The following CAMTA1 variants were observed in gnomAD, a reference collection of about 807,000 sequenced individuals.
CAMTA1 encodes the protein calmodulin binding transcription activator 1.
A neutral mutation model predicts 170.9 loss-of-function variants in CAMTA1; 27 were observed. That is an observed-to-expected ratio of 0.16 (90% confidence interval 0.12 to 0.22). The LOEUF is 0.22. Ranked by LOEUF, CAMTA1 falls within the 10% of genes least tolerant of loss-of-function variation. The probability of loss-of-function intolerance (pLI) is 1.00; values close to 1 mark genes in which losing one functional copy is unlikely to be tolerated. For missense variants in CAMTA1, 1,619 were observed against 2,217.2 expected (o/e 0.73, Z 5.42); for synonymous variants, 833 against 891.5 (o/e 0.93, Z 1.17).
chr1:7,425,491 G>A (rs1575249120), intron 5 of CAMTA1, among the ~76,000 whole-genome samples: 1 of 152,104 alleles, frequency 6.6e-6, no homozygotes, highest in East Asian at 1.9e-4. Context: ...GGTGGACGCT[G>A]CAAGGCCAGG....
intron 5 of CAMTA1, among the ~76,000 whole-genome samples, chr1:7,454,217 C>A (rs371510548): frequency 4.5e-4 from 68 of 152,304 alleles, no homozygotes; most frequent in African/African-American, 1.4e-3. Flanking sequence ...GCAGAGGCGA[C>A]CTCGCCTCAC....
chr1:7,752,609 C>T (rs945729374), intron 21 of CAMTA1, 76 bp downstream of exon 21: 12 of 1,137,830 alleles, frequency 1.1e-5, no homozygotes, highest in Middle Eastern at 2.1e-4. Flanking sequence ...CCCTCACTAA[C>T]TCCTATGTAA....
At chr1:7,348,734 G>A (rs893154107) in intron 5 of CAMTA1, among the ~76,000 whole-genome samples, 10 of 152,188 alleles carry the variant, frequency 6.6e-5, no homozygotes, top group South Asian at 6.2e-4. Flanking sequence ...ATCCAGGTCC[G>A]TTCACCCCTT....
Position 7,482,897 on chromosome 1 carries a change from A to G in CAMTA1, c.510+14996A>G, listed in dbSNP as rs572909561. Among the ~76,000 whole-genome samples the G allele has an allele frequency of 6.6e-6, 1 of 152,206 alleles. No homozygotes were observed. Among genetic ancestry groups the G allele is most frequent in the East Asian group, 1.9e-4 (1 of 5,156 alleles). ...AGGTCCCTGATGCAGGGGCTCTGTC[A>G]ACACCTCCTCTCAGTCAGAGTGATG... On this transcript the variant is annotated intron_variant, in intron 6 of 22. Transcript: ENST00000303635. The surrounding 1 kb of genome is among the most constrained non-coding windows in gnomAD (Gnocchi z 4.2).
At chr1:6,863,212 C>T (rs1284236135) in intron 3 of CAMTA1, among the ~76,000 whole-genome samples, 1 of 152,160 alleles carries the variant, frequency 6.6e-6, no homozygotes, top group African/African-American at 2.4e-5. Flanking sequence ...TAGCAAATTT[C>T]AAATAAACAA....
chr1:6,987,419 C>A (rs1032328845), intron 3 of CAMTA1, among the ~76,000 whole-genome samples: 5 of 152,218 alleles, frequency 3.3e-5, no homozygotes, highest in African/African-American at 1.2e-4. Context: ...CCCGCCTTGG[C>A]CTCCCAAAGT....
At chr1:7,472,321 G>A (rs1428324889) in intron 6 of CAMTA1, among the ~76,000 whole-genome samples, 4 of 152,114 alleles carry the variant, frequency 2.6e-5, no homozygotes, top group Non-Finnish European at 5.9e-5. Flanking sequence ...CTCCTTGGGG[G>A]ACTCTGGATT....
intron 3 of CAMTA1, among the ~76,000 whole-genome samples, chr1:6,976,155 ACAGT>A (rs1292894605): frequency 1.3e-5 from 2 of 152,266 alleles, no homozygotes; most frequent in Admixed American, 6.5e-5. Context: ...ACAAAACGAA[ACAGT>A]CAGTGCCTGG....
chr1:7,018,585 A>G (rs1404067731), intron 3 of CAMTA1, among the ~76,000 whole-genome samples: 1 of 152,064 alleles, frequency 6.6e-6, no homozygotes, highest in African/African-American at 2.4e-5. Context: ...TGCCAATTAT[A>G]CTAGACTAGC....
At chr1:7,459,293 A>G (rs1291166619) in intron 5 of CAMTA1, among the ~76,000 whole-genome samples, 2 of 152,182 alleles carry the variant, frequency 1.3e-5, no homozygotes, top group African/African-American at 4.8e-5. Flanking sequence ...CACTTGTGCA[A>G]CTAGAGAACT....
At chr1:7,524,641 T>A (rs1356968774) in intron 6 of CAMTA1, among the ~76,000 whole-genome samples, 2 of 152,186 alleles carry the variant, frequency 1.3e-5, no homozygotes, top group Non-Finnish European at 2.9e-5. Flanking sequence ...GCTGAGATAA[T>A]TTCCTGCTAT....
intron 5 of CAMTA1, among the ~76,000 whole-genome samples, chr1:7,369,905 A>G (rs796173608): frequency 2.3e-4 from 35 of 152,344 alleles, no homozygotes; most frequent in African/African-American, 8.4e-4. Context: ...TTCTTGATTG[A>G]ATAGAGTACT....
At chr1:7,338,908 G>A (rs1260596245) in intron 5 of CAMTA1, among the ~76,000 whole-genome samples, 1 of 152,230 alleles carries the variant, frequency 6.6e-6, no homozygotes, top group Non-Finnish European at 1.5e-5. Flanking sequence ...CAGGAAGCAT[G>A]GCTGGAGAGG....
At chr1:7,722,325 C>G (rs763318414) in intron 11 of CAMTA1, among the ~76,000 whole-genome samples, 36 of 152,104 alleles carry the variant, frequency 2.4e-4, no homozygotes, top group Non-Finnish European at 4.6e-4. Context: ...GGTTAGGAAC[C>G]CCTGTCAGAG....
chr1:7,232,821 G>A (rs907941047), intron 4 of CAMTA1, among the ~76,000 whole-genome samples: 2 of 152,114 alleles, frequency 1.3e-5, no homozygotes, highest in Admixed American at 6.5e-5. Flanking sequence ...GTTTTCATCC[G>A]AATGGCTCCA....
chr1:7,751,458 A>G, intron 20 of CAMTA1, 66 bp downstream of exon 20: 1 of 1,404,834 alleles, frequency 7.1e-7, no homozygotes, highest in Non-Finnish European at 9.6e-7. Flanking sequence ...TCTTTGAAAG[A>G]CTTGTCCTGG....
chr1:7,207,737 A>G (rs1301035270), intron 4 of CAMTA1, among the ~76,000 whole-genome samples: 1 of 152,120 alleles, frequency 6.6e-6, no homozygotes, highest in East Asian at 1.9e-4. Context: ...GGTGTGGTCT[A>G]TTCCAAGCTC....
At chr1:7,320,547 A>G (rs1199730767) in intron 5 of CAMTA1, among the ~76,000 whole-genome samples, 6 of 151,500 alleles carry the variant, frequency 4.0e-5, no homozygotes, top group Admixed American at 6.6e-5. Context: ...TGCAGGGTCT[A>G]CGTTGGTGAA....
intron 11 of CAMTA1, among the ~76,000 whole-genome samples, chr1:7,715,432 C>CT (rs34965685): frequency 0.37 from 52,251 of 142,156 alleles, 9,711 homozygotes; most frequent in Non-Finnish European, 0.42. Context: ...TAGCCACACA[C>CT]TTTTTTTTTT....
Sources: allele counts gnomAD v4.1 joint callset (sites outside exome capture counted in the v4.1 genomes callset), GRCh38; gene constraint gnomAD v4.1.1; non-coding constraint Gnocchi (gnomAD v3.1); transcripts MANE v1.5; gene names NCBI Gene and HGNC (gene_info 2026-07-23, HGNC 2026-07-21).